Variants in RAP1GAP2 observed in about 807,000 individuals in gnomAD.
The protein encoded by RAP1GAP2 is rap1 GTPase-activating protein 2.
RAP1GAP2 carries 27 observed loss-of-function variants against 95.0 expected under a neutral mutation model. The ratio of observed to expected loss-of-function variants is 0.28; its 90% CI spans 0.21 to 0.39. The LOEUF (loss-of-function observed/expected upper bound fraction) is 0.39. Ranked by LOEUF, RAP1GAP2 falls within the 10% of genes least tolerant of loss-of-function variation. RAP1GAP2 has a pLI of 1.00. For synonymous variants in RAP1GAP2, 373 were observed against 380.9 expected, an observed-to-expected ratio of 0.98 and a Z score of 0.24; for missense variants, 771 against 970.0, an observed-to-expected ratio of 0.79 and a Z score of 2.72.
intron 2 of RAP1GAP2, among the ~76,000 whole-genome samples, chr17:2,872,658 T>C (rs1263318996): frequency 6.6e-6 from 1 of 152,100 alleles, no homozygotes; most frequent in African/African-American, 2.4e-5. Flanking sequence ...TTTTTGATAC[T>C]GACAACTTTC....
At chr17:2,928,304 G>A (rs1433470458) in intron 3 of RAP1GAP2, among the ~76,000 whole-genome samples, 1 of 152,216 alleles carries the variant, frequency 6.6e-6, no homozygotes, top group African/African-American at 2.4e-5. Context: ...CAGCAAAGCT[G>A]GTTCCCACAT....
At position 2,855,052 on chromosome 17, in the gene RAP1GAP2, C is replaced by A. The variant is rs1380232412; in HGVS notation, c.81-50232C>A. Among the ~76,000 whole-genome samples the A allele has an allele frequency of 6.6e-6, 1 of 152,170 alleles. No homozygotes were observed. Among genetic ancestry groups the A allele is most frequent in the Non-Finnish European group, 1.5e-5 (1 of 68,034 alleles). On this transcript the variant is annotated intron_variant, in intron 2 of 24. Coordinates refer to ENST00000254695, the MANE Select transcript of RAP1GAP2 (RefSeq NM_015085.5). The surrounding 1 kb of genome is among the most constrained non-coding windows in gnomAD (Gnocchi z 4.3). ...ACCAGAGACACCTGGGGGTGACCAG[C>A]AGCCCCTGGATATGCCCACAGGTAT... is the stretch of plus-strand genomic sequence containing the variant.
intron 1 of RAP1GAP2, among the ~76,000 whole-genome samples, chr17:2,758,884 C>T (rs537204473): frequency 3.3e-5 from 5 of 152,178 alleles, no homozygotes; most frequent in South Asian, 2.1e-4. Flanking sequence ...AGTGCAGTGG[C>T]GATCACAGCT....
chr17:2,957,837 C>T (rs755178972), intron 4 of RAP1GAP2, 43 bp downstream of exon 4: 2 of 1,550,514 alleles, frequency 1.3e-6, no homozygotes, highest in Non-Finnish European at 1.8e-6. Flanking sequence ...AGCCCAGCCC[C>T]AGATGTGGGT....
intron 2 of RAP1GAP2, among the ~76,000 whole-genome samples, chr17:2,843,118 A>C (rs2071436938): frequency 6.6e-6 from 1 of 152,080 alleles, no homozygotes; most frequent in Non-Finnish European, 1.5e-5. Context: ...ATCAGCAACA[A>C]CAAAAAACCC....
intron 3 of RAP1GAP2, among the ~76,000 whole-genome samples, chr17:2,949,404 T>C (rs1399166997): frequency 6.6e-6 from 1 of 152,214 alleles, no homozygotes; most frequent in Non-Finnish European, 1.5e-5. Context: ...TCAGTGAGCA[T>C]TAACTGAGCA....
At chr17:2,760,359 G>C (rs1214521143) in intron 1 of RAP1GAP2, among the ~76,000 whole-genome samples, 2 of 144,096 alleles carry the variant, frequency 1.4e-5, no homozygotes, top group Non-Finnish European at 3.0e-5. Context: ...ACTTTTTTTT[G>C]AGACGGAGTC....
intron 2 of RAP1GAP2, among the ~76,000 whole-genome samples, chr17:2,877,303 G>C (rs2073134463): frequency 6.6e-6 from 1 of 152,216 alleles, no homozygotes; most frequent in Non-Finnish European, 1.5e-5. Context: ...TTTGAGGCCA[G>C]TCCATCATCA....
intron 2 of RAP1GAP2, among the ~76,000 whole-genome samples, chr17:2,830,690 G>A (rs2070791234): frequency 6.6e-6 from 1 of 152,022 alleles, no homozygotes; most frequent in Non-Finnish European, 1.5e-5. Flanking sequence ...CTCCAGCCTG[G>A]GCGACAGAAT....
At chr17:2,756,434 A>G (rs1286953460) in intron 1 of RAP1GAP2, among the ~76,000 whole-genome samples, 1 of 152,180 alleles carries the variant, frequency 6.6e-6, no homozygotes, top group East Asian at 1.9e-4. Flanking sequence ...TTTCAGACGC[A>G]GCGCTGTCGA....
intron 2 of RAP1GAP2, among the ~76,000 whole-genome samples, chr17:2,821,519 C>T (rs931292410): frequency 3.3e-5 from 5 of 151,928 alleles, no homozygotes; most frequent in Admixed American, 6.6e-5. Context: ...GGGACCACAG[C>T]ATCTGCCACC....
intron 2 of RAP1GAP2, among the ~76,000 whole-genome samples, chr17:2,811,022 C>T (rs1597353955): frequency 2.6e-5 from 4 of 152,214 alleles, no homozygotes; most frequent in African/African-American, 4.8e-5. Flanking sequence ...TCGGTCCAGT[C>T]TTGACCCTTG....
At chr17:3,017,164 C>G (rs1384687617) in intron 17 of RAP1GAP2, among the ~76,000 whole-genome samples, 1 of 152,058 alleles carries the variant, frequency 6.6e-6, no homozygotes, top group Non-Finnish European at 1.5e-5. Context: ...TGTGCCTTCC[C>G]GGGTCCATCC....
At chr17:2,803,606 C>T (rs115268815) in intron 2 of RAP1GAP2, among the ~76,000 whole-genome samples, 3,168 of 152,294 alleles carry the variant, frequency 0.021, 112 homozygotes, top group African/African-American at 0.072. Context: ...CGGCCAGGCG[C>T]GATGGCTCAC....
chr17:3,015,223 G>A (rs1042164331), intron 17 of RAP1GAP2, among the ~76,000 whole-genome samples: 3 of 152,110 alleles, frequency 2.0e-5, no homozygotes, highest in African/African-American at 7.2e-5. Context: ...AGTGAGAGAT[G>A]TCCCTCCAGG....
chr17:3,007,496 C>T (rs1326896642), intron 16 of RAP1GAP2, among the ~76,000 whole-genome samples: 4 of 152,116 alleles, frequency 2.6e-5, no homozygotes, highest in South Asian at 2.1e-4. Context: ...TGTTGTGGGA[C>T]GTGGGATTGA....
At chr17:2,829,419 T>A (rs1033455105) in intron 2 of RAP1GAP2, among the ~76,000 whole-genome samples, 1 of 152,104 alleles carries the variant, frequency 6.6e-6, no homozygotes, top group African/African-American at 2.4e-5. Flanking sequence ...GCTGGGGTCG[T>A]GACCCCGTCG....
chr17:2,966,382 G>C (rs1597746061), intron 8 of RAP1GAP2, among the ~76,000 whole-genome samples: 1 of 152,336 alleles, frequency 6.6e-6, no homozygotes, highest in Admixed American at 6.5e-5. Flanking sequence ...GAAGGAATCT[G>C]TGTCTTATTT....
At chr17:2,962,891 A>C in intron 5 of RAP1GAP2, 177 bp downstream of exon 5, 1 of 630,816 alleles carries the variant, frequency 1.6e-6, no homozygotes, top group African/African-American at 1.9e-5. Context: ...TGGGCAGCAG[A>C]GGGGTCCTGG....
Sources: gnomAD v4.1 joint callset for allele counts (sites outside exome capture counted in the v4.1 genomes callset) on GRCh38, gnomAD v4.1.1 for gene constraint, Gnocchi (gnomAD v3.1) non-coding constraint, MANE v1.5 for transcripts, NCBI Gene and HGNC (gene_info 2026-07-23, HGNC 2026-07-21) for gene names.